The following EML5 variants were observed in gnomAD, a reference collection of about 807,000 sequenced individuals.
EML5 encodes the protein EMAP like 5, also known as echinoderm microtubule-associated protein-like 5.
In EML5, 120 loss-of-function variants were observed where a neutral mutation model predicts 250.0. The ratio of observed to expected loss-of-function variants is 0.48; its 90% CI spans 0.41 to 0.56. The LOEUF (loss-of-function observed/expected upper bound fraction) is 0.56, where lower values mean the gene tolerates loss of function less well. Among genes scored for constraint, EML5 ranks in the 20% least tolerant of loss-of-function variants. EML5 has a pLI of 0.00. For missense variants in EML5, 2,006 were observed against 2,437.6 expected, an observed-to-expected ratio of 0.82 and a Z score of 3.73; for synonymous variants, 771 against 806.5, an observed-to-expected ratio of 0.96 and a Z score of 0.75.
At chr14:88,755,793 G>A (rs1304537488) in intron 1 of EML5, among the ~76,000 whole-genome samples, 2 of 151,920 alleles carry the variant, frequency 1.3e-5, no homozygotes, top group Non-Finnish European at 2.9e-5. Flanking sequence ...AGGAGTTCAA[G>A]ATCACCCTGG....
chr14:88,660,953 G>C (rs75974467), intron 25 of EML5, among the ~76,000 whole-genome samples: 1 of 152,074 alleles, frequency 6.6e-6, no homozygotes, highest in African/African-American at 2.4e-5. Flanking sequence ...TTTTATAAGT[G>C]TAAGTATTTT....
At chr14:88,724,347 A>G (rs1330316087) in intron 8 of EML5, among the ~76,000 whole-genome samples, 1 of 151,406 alleles carries the variant, frequency 6.6e-6, no homozygotes, top group African/African-American at 2.5e-5. Flanking sequence ...AAAGCAAATC[A>G]AGAAGAAATA....
Position 88,754,562 on chromosome 14 carries a change from C to T in EML5, c.307G>A (p.Asp103Asn). 6.2e-7 allele frequency: 1 copy of T among 1,613,120 alleles called. No homozygotes were observed. The highest frequency in any genetic ancestry group is 8.5e-7 in the Non-Finnish European group (1 of 1,179,604). Residue 103 changes from aspartate (D) to asparagine (N), a missense_variant, in exon 2 of 44, where the codon GAT becomes AAT. Coordinates refer to ENST00000554922, the MANE Select transcript of EML5 (RefSeq NM_183387.3). ...CAAGCTATACCATGTGTATGAACAT[C>T]CTTTAAAACTGATATGGTCTGCACA... ...YTVQTISVLK[D>N]VHTHGIACLA...
intron 2 of EML5, among the ~76,000 whole-genome samples, chr14:88,751,477 G>A (rs2094093314): frequency 6.6e-6 from 1 of 152,060 alleles, no homozygotes; most frequent in Non-Finnish European, 1.5e-5. Context: ...AGACAAGGCT[G>A]GAGAGGTAGG....
chr14:88,731,886 C>A (rs993220204), intron 7 of EML5, among the ~76,000 whole-genome samples: 8 of 152,180 alleles, frequency 5.3e-5, no homozygotes, highest in Non-Finnish European at 1.2e-4. Context: ...AGTGTCTGTT[C>A]ATATCCTTTT....
At chr14:88,733,701 C>G (rs2093795508) in intron 7 of EML5, among the ~76,000 whole-genome samples, 1 of 152,070 alleles carries the variant, frequency 6.6e-6, no homozygotes, top group Admixed American at 6.6e-5. Flanking sequence ...GGCACAATGA[C>G]AGTAAATGGC....
intron 2 of EML5, among the ~76,000 whole-genome samples, chr14:88,750,088 G>C (rs983998019): frequency 3.9e-5 from 6 of 152,304 alleles, no homozygotes; most frequent in African/African-American, 1.4e-4. Flanking sequence ...TTATAGCAAA[G>C]ACCAAATGGC....
intron 31 of EML5, 30 bp from the exon 32 acceptor site, chr14:88,638,937 GA>G: frequency 6.6e-7 from 1 of 1,512,744 alleles, no homozygotes; most frequent in Non-Finnish European, 8.9e-7. Flanking sequence ...AATTAAGTTT[GA>G]AAATTTTAAG....
Position 88,644,518 on chromosome 14 carries a change from C to G in EML5, c.4029-7G>C. ...GGCCCTGCTCACTGGAGGCCTGCAA[C>G]AGAGAAGTGGGGAGGAGGAAAGGCA... On this transcript the variant is annotated splice_region_variant and splice_polypyrimidine_tract_variant and intron_variant, in intron 29 of 43. Transcript: ENST00000554922. 1 of 1,613,546 alleles carries G rather than the reference C, an allele frequency of 6.2e-7. No individual in the cohort carries two copies. Among genetic ancestry groups the G allele is most frequent in the Non-Finnish European group, 8.5e-7 (1 of 1,179,690 alleles).
At chr14:88,771,925 T>C (rs2094397442) in intron 1 of EML5, among the ~76,000 whole-genome samples, 2 of 152,152 alleles carry the variant, frequency 1.3e-5, no homozygotes, top group African/African-American at 4.8e-5. Flanking sequence ...TTTCCCTTCC[T>C]TTCCCAGGTG....
chr14:88,628,786 C>A (rs1033388437), intron 33 of EML5, among the ~76,000 whole-genome samples: 1 of 151,906 alleles, frequency 6.6e-6, no homozygotes, highest in African/African-American at 2.4e-5. Context: ...TTGTAATACA[C>A]AATGATAAAT....
chr14:88,612,979 T>TA lies in EML5; in HGVS notation c.*2838dup, dbSNP rs35822845. 22,157 of 144,304 alleles carry TA rather than the reference T, an allele frequency of 0.15. 2,048 individuals are homozygous for TA. Among genetic ancestry groups the TA allele is most frequent in the Non-Finnish European group, 0.21 (13,870 of 65,256 alleles). 8.9% of individuals were successfully genotyped at this position (144,304 alleles called of 1,614,324 possible). A position where few individuals can be genotyped will look rare whatever the true frequency, so the allele number is the denominator to read the frequency against. ...CATTCTCAGGACCAAATTAAACTGC[T>TA]AAAAAAAAAAAAAAAGTTCATTGAC... On this transcript the variant is annotated 3_prime_UTR_variant, in exon 44 of 44. Coordinates refer to ENST00000554922, the MANE Select transcript of EML5 (RefSeq NM_183387.3).
At chr14:88,659,719 C>T (rs2092010441) in intron 25 of EML5, among the ~76,000 whole-genome samples, 1 of 152,186 alleles carries the variant, frequency 6.6e-6, no homozygotes, top group African/African-American at 2.4e-5. Flanking sequence ...TAGTGGAACA[C>T]ATTGTTAACA....
chr14:88,783,430 AC>A (rs2094518402), intron 1 of EML5, among the ~76,000 whole-genome samples: 1 of 152,250 alleles, frequency 6.6e-6, no homozygotes, highest in South Asian at 2.1e-4. Flanking sequence ...CAAGAAACAC[AC>A]TTCACCTATA....
In EML5 at chr14:88,620,321, C is replaced by T. The variant is rs1190607555; in HGVS notation, c.5375+433G>A. 1 of 153,598 alleles carries T rather than the reference C, an allele frequency of 6.5e-6. No homozygotes were observed. The highest frequency in any genetic ancestry group is 1.4e-5 in the Non-Finnish European group (1 of 69,098). The allele number at this position is 153,598 out of a possible 1,614,324, so 9.5% of individuals were successfully genotyped here. A position where few individuals can be genotyped will look rare whatever the true frequency, so the allele number is the denominator to read the frequency against. ...ATTTAAATTAATTTGGATTCTGGAA[C>T]ATTTAATCAATAGGTATTGATTAAA... On this transcript the variant is annotated intron_variant, in intron 39 of 43. Coordinates refer to ENST00000554922, the MANE Select transcript of EML5 (RefSeq NM_183387.3). This position sits in a 1 kb window ranked among gnomAD's most constrained non-coding sequence, Gnocchi z 4.3.
At chr14:88,715,732 A>G (rs1163240833) in intron 8 of EML5, among the ~76,000 whole-genome samples, 1 of 150,292 alleles carries the variant, frequency 6.7e-6, no homozygotes, top group Admixed American at 6.7e-5. Context: ...ATCTCGGCTC[A>G]CTGCAACCTC....
intron 21 of EML5, 80 bp from the exon 22 acceptor site, chr14:88,665,569 A>AT (rs754893456): frequency 6.4e-7 from 1 of 1,570,682 alleles, no homozygotes; most frequent in Non-Finnish European, 8.7e-7. Flanking sequence ...GCTCATGCCT[A>AT]TAATCCAAGC....
At chr14:88,732,894 T>C (rs1047361386) in intron 7 of EML5, among the ~76,000 whole-genome samples, 3 of 152,178 alleles carry the variant, frequency 2.0e-5, no homozygotes, top group South Asian at 2.1e-4. Flanking sequence ...TATTGCAACT[T>C]CTGCCTCCCA....
chr14:88,619,419 G>GGT (rs1411936763), intron 39 of EML5: 6 of 152,262 alleles, frequency 3.9e-5, no homozygotes, highest in Admixed American at 3.9e-4. Context: ...GTCTCACTAT[G>GGT]GTCCCAAACT....
Sources: gnomAD v4.1 joint callset for allele counts (sites outside exome capture counted in the v4.1 genomes callset) on GRCh38, gnomAD v4.1.1 for gene constraint, Gnocchi (gnomAD v3.1) non-coding constraint, MANE v1.5 for transcripts, NCBI Gene and HGNC (gene_info 2026-07-23, HGNC 2026-07-21) for gene names.